LINGO2: variants seen among roughly 807,000 people sequenced by gnomAD.
LINGO2 encodes the protein leucine rich repeat and Ig domain containing 2.
A neutral mutation model predicts 30.6 loss-of-function variants in LINGO2; 14 were observed. The ratio of observed to expected loss-of-function variants is 0.46; its 90% CI spans 0.30 to 0.72. LINGO2 has a LOEUF of 0.72. LINGO2 is among the 30% of genes least tolerant of loss of function. LINGO2 has a pLI of 0.07. For synonymous variants in LINGO2, 317 were observed against 288.5 expected (o/e 1.10, Z -1.00); for missense variants, 729 against 751.7 (o/e 0.97, Z 0.35).
chr9:29,107,206 T>C, the LINGO2 span, among the ~76,000 whole-genome samples: 6 of 152,302 alleles, frequency 3.9e-5, no homozygotes, highest in African/African-American at 9.6e-5. Context: ...GGAAAATTTA[T>C]GTTTATTGTA....
intron 1 of LINGO2, among the ~76,000 whole-genome samples, chr9:28,510,356 TTATAA>T (rs67086728): frequency 0.17 from 26,159 of 151,962 alleles, 2,485 homozygotes; most frequent in Non-Finnish European, 0.21. Context: ...GTTATATGTA[TTATAA>T]TATATTCTTA....
At chr9:28,160,096 C>G (rs1271642979) in intron 4 of LINGO2, among the ~76,000 whole-genome samples, 1 of 152,008 alleles carries the variant, frequency 6.6e-6, no homozygotes, top group Non-Finnish European at 1.5e-5. Context: ...GGAAAGGAAT[C>G]TATAGCAACT....
At chr9:29,032,169 C>T in the LINGO2 span, among the ~76,000 whole-genome samples, 14 of 151,982 alleles carry the variant, frequency 9.2e-5, no homozygotes, top group East Asian at 1.9e-4. Flanking sequence ...TCATGGAGGA[C>T]GGAGATTAAT....
the LINGO2 span, among the ~76,000 whole-genome samples, chr9:29,140,350 T>C: frequency 6.6e-6 from 1 of 151,540 alleles, no homozygotes; most frequent in Non-Finnish European, 1.5e-5. Flanking sequence ...AGATAAGAAA[T>C]ATTAAAAAGA....
the LINGO2 span, among the ~76,000 whole-genome samples, chr9:28,739,702 A>C: frequency 4.0e-4 from 60 of 151,854 alleles, 1 homozygote; most frequent in East Asian, 0.011. Flanking sequence ...AAAATCAATT[A>C]ACCCATAAAT....
At chr9:27,937,825 C>A in the LINGO2 span, 1 of 151,924 alleles carries the variant, frequency 6.6e-6, no homozygotes, top group Non-Finnish European at 1.5e-5. Context: ...AAATGGCCCT[C>A]TAAGAAAATA....
chr9:29,025,034 T>A, the LINGO2 span, among the ~76,000 whole-genome samples: 2 of 152,106 alleles, frequency 1.3e-5, no homozygotes, highest in African/African-American at 4.8e-5. Context: ...GAACACAAAC[T>A]ACAATTCCCT....
At chr9:28,253,076 A>G (rs1013665097) in intron 4 of LINGO2, among the ~76,000 whole-genome samples, 14 of 130,682 alleles carry the variant, frequency 1.1e-4, no homozygotes, top group African/African-American at 5.1e-4. Context: ...TCAATTTGCT[A>G]AAAAAAAAAA....
the LINGO2 span, among the ~76,000 whole-genome samples, chr9:29,040,116 G>A: frequency 6.6e-6 from 1 of 151,972 alleles, no homozygotes; most frequent in African/African-American, 2.4e-5. Flanking sequence ...GGCTTCAACT[G>A]TATATGATCT....
the LINGO2 span, among the ~76,000 whole-genome samples, chr9:29,025,361 G>A: frequency 6.6e-6 from 1 of 151,924 alleles, no homozygotes; most frequent in Non-Finnish European, 1.5e-5. Context: ...AAGTATTACA[G>A]TGAGAACTTA....
At chr9:28,231,295 G>C (rs1358978244) in intron 4 of LINGO2, among the ~76,000 whole-genome samples, 1 of 151,950 alleles carries the variant, frequency 6.6e-6, no homozygotes, top group African/African-American at 2.4e-5. Flanking sequence ...AGAAATAAAA[G>C]AGAAGATTCT....
At chr9:28,073,798 T>G (rs1393554254) in intron 4 of LINGO2, among the ~76,000 whole-genome samples, 1 of 152,126 alleles carries the variant, frequency 6.6e-6, no homozygotes, top group East Asian at 1.9e-4. Flanking sequence ...GGAGCTGAAG[T>G]AGGAGGATGG....
chr9:28,995,761 A>G, the LINGO2 span, among the ~76,000 whole-genome samples: 14 of 152,128 alleles, frequency 9.2e-5, no homozygotes, highest in African/African-American at 3.4e-4. Flanking sequence ...TCAGTAAACT[A>G]TCGCAAGGAC....
chr9:28,645,082 C>G (rs1157560642), intron 1 of LINGO2, among the ~76,000 whole-genome samples: 1 of 152,014 alleles, frequency 6.6e-6, no homozygotes, highest in Non-Finnish European at 1.5e-5. Flanking sequence ...CTAATATTGC[C>G]AACAAAATAC....
At chr9:28,748,465 A>C in the LINGO2 span, among the ~76,000 whole-genome samples, 1 of 152,054 alleles carries the variant, frequency 6.6e-6, no homozygotes, top group Non-Finnish European at 1.5e-5. Context: ...TGACACATCA[A>C]AACAACTAAC....
chr9:29,125,783 C>T, the LINGO2 span, among the ~76,000 whole-genome samples: 6 of 152,032 alleles, frequency 3.9e-5, no homozygotes, highest in Non-Finnish European at 7.4e-5. Context: ...ACATGTAATG[C>T]GTACATGCTC....
chr9:28,310,865 C>G (rs916587652), intron 3 of LINGO2, among the ~76,000 whole-genome samples: 2 of 152,032 alleles, frequency 1.3e-5, no homozygotes, highest in Admixed American at 1.3e-4. Context: ...TGATCGAGAA[C>G]AAAACTTTTT....
the LINGO2 span, among the ~76,000 whole-genome samples, chr9:28,794,811 AT>A: frequency 3.3e-5 from 5 of 150,692 alleles, no homozygotes; most frequent in Admixed American, 6.6e-5. Flanking sequence ...GGAATTATAA[AT>A]TTTTTTTCTT....
intron 2 of LINGO2, among the ~76,000 whole-genome samples, chr9:28,391,849 A>T (rs1399337673): frequency 6.6e-6 from 1 of 152,306 alleles, no homozygotes; most frequent in East Asian, 1.9e-4. Flanking sequence ...CAAAAATCTA[A>T]TAGGGAAAAA....
Sources: gnomAD v4.1 joint callset for allele counts (sites outside exome capture counted in the v4.1 genomes callset) on GRCh38, gnomAD v4.1.1 for gene constraint, MANE v1.5 for transcripts, NCBI Gene and HGNC (gene_info 2026-07-23, HGNC 2026-07-21) for gene names.